The following SLC15A5 variants were observed in gnomAD, a reference collection of about 807,000 sequenced individuals.
SLC15A5 encodes the protein solute carrier family 15 member 5, also known as Peptide/histidine transporter ENSP00000340402.
Under a neutral mutation model 56.1 loss-of-function variants are expected in SLC15A5, and 58 were observed. The ratio of observed to expected loss-of-function variants is 1.03; its 90% confidence interval spans 0.84 to 1.29. SLC15A5 has a LOEUF of 1.29. Among genes scored for constraint, SLC15A5 ranks in the 50% most tolerant of loss-of-function variants. SLC15A5 has a pLI of 0.00. For missense variants in SLC15A5, 681 were observed against 672.1 expected, an observed-to-expected ratio of 1.01 and a Z score of -0.15; for synonymous variants, 264 against 250.5, an observed-to-expected ratio of 1.05 and a Z score of -0.51.
intron 8 of SLC15A5, 110 bp downstream of exon 8, chr12:16,194,235 T>C (rs1038247623): frequency 1.7e-6 from 1 of 596,536 alleles, no homozygotes; most frequent in Non-Finnish European, 2.8e-6. Context: ...ATTGCTCTAA[T>C]ATTCTAATTT....
intron 7 of SLC15A5, among the ~76,000 whole-genome samples, chr12:16,213,164 A>T (rs1591643803): frequency 6.6e-6 from 1 of 152,104 alleles, no homozygotes; most frequent in African/African-American, 2.4e-5. Context: ...TAATGGATGG[A>T]GGCGCTTTGA....
chr12:16,242,655 T>C (rs558704183), intron 4 of SLC15A5, among the ~76,000 whole-genome samples: 59 of 152,336 alleles, frequency 3.9e-4, no homozygotes, highest in Non-Finnish European at 7.6e-4. Flanking sequence ...GATTTGGTGA[T>C]ATGCTTAAAA....
chr12:16,200,679 A>G (rs1009985330), intron 7 of SLC15A5, among the ~76,000 whole-genome samples: 3 of 152,148 alleles, frequency 2.0e-5, no homozygotes, highest in African/African-American at 7.2e-5. Context: ...AACCCACAAT[A>G]TCAAAGTATT....
At chr12:16,207,306 A>AT (rs1225672645) in intron 7 of SLC15A5, among the ~76,000 whole-genome samples, 1 of 152,172 alleles carries the variant, frequency 6.6e-6, no homozygotes, top group African/African-American at 2.4e-5. Context: ...AACAACACTG[A>AT]TTTTTGCCCA....
At chr12:16,191,128 A>T (rs924371811) in intron 8 of SLC15A5, among the ~76,000 whole-genome samples, 1 of 152,044 alleles carries the variant, frequency 6.6e-6, no homozygotes, top group African/African-American at 2.4e-5. Context: ...TTCAAATTTG[A>T]TTGTGGAGGG....
At chr12:16,232,282 G>C (rs1864306488) in intron 5 of SLC15A5, among the ~76,000 whole-genome samples, 1 of 151,876 alleles carries the variant, frequency 6.6e-6, no homozygotes, top group Non-Finnish European at 1.5e-5. Context: ...AAAACAAATA[G>C]AGAAACAACA....
At chr12:16,233,764 G>C (rs976619982) in intron 5 of SLC15A5, among the ~76,000 whole-genome samples, 1 of 152,140 alleles carries the variant, frequency 6.6e-6, no homozygotes, top group African/African-American at 2.4e-5. Context: ...GGTATCACCT[G>C]GGGGCTTGTT....
chr12:16,259,904 G>GGGGC (rs1555173560), intron 2 of SLC15A5, among the ~76,000 whole-genome samples: 3 of 151,794 alleles, frequency 2.0e-5, no homozygotes, highest in Non-Finnish European at 2.9e-5. Context: ...ACCCGGGCGG[G>GGGGC]GGGTAAGTTA....
chr12:16,252,456 C>G (rs1864529080), intron 3 of SLC15A5, among the ~76,000 whole-genome samples: 1 of 152,034 alleles, frequency 6.6e-6, no homozygotes, highest in Admixed American at 6.6e-5. Flanking sequence ...AGGAGTTCAG[C>G]AGTTTCAGAA....
At position 16,188,932 on chromosome 12, in the gene SLC15A5, T is replaced by A. The variant is rs936472722; in HGVS notation, c.*736A>T. 4 of 152,214 alleles carry A rather than the reference T, an allele frequency of 2.6e-5. No individual in the cohort carries two copies. Among genetic ancestry groups the A allele is most frequent in the Non-Finnish European group, 5.9e-5 (4 of 68,044 alleles). The allele number at this position is 152,214 out of a possible 1,614,324, so 9.4% of individuals were successfully genotyped here. A position where few individuals can be genotyped will look rare whatever the true frequency, so the allele number is the denominator to read the frequency against. The stretch of plus-strand genomic sequence containing the variant: ...AGTGGAGACCGAAAGATGTTATTCA[T>A]ATAATTCCTTTAAGCATCTCTATTT... On this transcript the variant is annotated 3_prime_UTR_variant, in exon 9 of 9. Transcript: ENST00000344941.
At chr12:16,259,553 T>C (rs1380862076) in intron 2 of SLC15A5, among the ~76,000 whole-genome samples, 1 of 152,170 alleles carries the variant, frequency 6.6e-6, no homozygotes, top group Non-Finnish European at 1.5e-5. Flanking sequence ...GAAGTTGTAA[T>C]CTGAAGGAGA....
At chr12:16,225,459 C>T (rs1864231433) in intron 5 of SLC15A5, among the ~76,000 whole-genome samples, 1 of 152,180 alleles carries the variant, frequency 6.6e-6, no homozygotes, top group South Asian at 2.1e-4. Context: ...CAAATGGGAT[C>T]TAATTAAACT....
At chr12:16,205,586 TATATACATATACACACACACACAC>T (rs1565657597) in intron 7 of SLC15A5, among the ~76,000 whole-genome samples, 3 of 14,008 alleles carry the variant, frequency 2.1e-4, no homozygotes, top group Non-Finnish European at 3.1e-4. Context: ...GGTGCATATA[TATATACATATACACACACACACAC>T]ATATATATAC....
chr12:16,276,056 T>C (rs569109027), intron 1 of SLC15A5, among the ~76,000 whole-genome samples: 13 of 151,988 alleles, frequency 8.6e-5, no homozygotes, highest in Non-Finnish European at 1.6e-4. Context: ...AAGTCAACTT[T>C]AGCAGGAACA....
rs1176356032 is a variant in SLC15A5, at chr12:16,243,788, G to T, written c.975+792C>A. ...GTCACTTAATTTTTCTGAGCCTAAG[G>T]TTCCTGTTTAACAAATAAAGTAGTT... is the stretch of plus-strand genomic sequence containing the variant. On this transcript the variant is annotated intron_variant, in intron 4 of 8. Coordinates refer to ENST00000344941, the MANE Select transcript of SLC15A5 (RefSeq NM_001170798.1). The surrounding 1 kb of genome is among the most constrained non-coding windows in gnomAD (Gnocchi z 4.4). Among the ~76,000 whole-genome samples the T allele has an allele frequency of 1.3e-5, 2 of 152,046 alleles. No homozygotes were observed. The highest frequency in any genetic ancestry group is 2.9e-5 in the Non-Finnish European group (2 of 68,012).
At chr12:16,264,529 G>T (rs995031711) in intron 2 of SLC15A5, among the ~76,000 whole-genome samples, 5 of 152,156 alleles carry the variant, frequency 3.3e-5, no homozygotes, top group African/African-American at 1.2e-4. Context: ...TGTTGGGAAG[G>T]CATGATTGGT....
At chr12:16,232,065 A>G (rs752150163) in intron 5 of SLC15A5, among the ~76,000 whole-genome samples, 2 of 152,258 alleles carry the variant, frequency 1.3e-5, no homozygotes, top group South Asian at 2.1e-4. Flanking sequence ...AAGAATAGAT[A>G]TCCCAAGATC....
intron 5 of SLC15A5, among the ~76,000 whole-genome samples, chr12:16,234,188 A>G (rs992804826): frequency 2.0e-5 from 3 of 152,158 alleles, no homozygotes; most frequent in African/African-American, 7.2e-5. Flanking sequence ...GAATTCTATC[A>G]AGACCTTTTA....
chr12:16,247,254 C>T (rs1361069719), intron 3 of SLC15A5, among the ~76,000 whole-genome samples: 5 of 151,964 alleles, frequency 3.3e-5, no homozygotes, highest in African/African-American at 1.2e-4. Context: ...TATGAAGCAA[C>T]AAAAACAAAA....
Sources: allele counts gnomAD v4.1 joint callset (sites outside exome capture counted in the v4.1 genomes callset), GRCh38; gene constraint gnomAD v4.1.1; non-coding constraint Gnocchi (gnomAD v3.1); transcripts MANE v1.5; gene names NCBI Gene and HGNC (gene_info 2026-07-23, HGNC 2026-07-21).